XKR7: variants seen among roughly 807,000 people sequenced by gnomAD.
XKR7 encodes XK related 7.
In XKR7, 11 loss-of-function variants were observed where a neutral mutation model predicts 42.2. That is an observed-to-expected ratio of 0.26 (90% CI 0.16 to 0.43). XKR7 has a LOEUF of 0.43. Ranked by LOEUF, XKR7 falls within the 20% of genes least tolerant of loss-of-function variation. The probability of loss-of-function intolerance (pLI) is 1.00; values close to 1 mark genes in which losing one functional copy is unlikely to be tolerated. For missense variants in XKR7, 710 were observed against 802.2 expected (o/e 0.89, Z 1.39); for synonymous variants, 346 against 366.4 (o/e 0.94, Z 0.64).
chr20:31,968,370 C>T lies in XKR7; in HGVS notation c.195C>T (p.Leu65=). Reference sequence around the variant, plus strand: ...GCTGCTGGGTGCTGTGCGCGCTGCTCGTGTTCTTCTCCGACGGTGCCACGG... The same window carrying T: ...GCTGCTGGGTGCTGTGCGCGCTGCTTGTGTTCTTCTCCGACGGTGCCACGG... ...RDCCWVLCAL[L]VFFSDGATDL... is the part of the protein sequence containing the mutation. Residue 65 remains leucine, a synonymous_variant, in exon 1 of 3, where the codon CTC becomes CTT. Coordinates refer to ENST00000562532, the MANE Select transcript of XKR7 (RefSeq NM_001011718.2). This position sits in a 1 kb window ranked among gnomAD's most constrained non-coding sequence, Gnocchi z 4.5. 1 of 1,611,838 alleles carries T rather than the reference C, an allele frequency of 6.2e-7. No individual in the cohort carries two copies. Among genetic ancestry groups the T allele is most frequent in the Non-Finnish European group, 8.5e-7 (1 of 1,179,558 alleles).
At chr20:31,975,466 C>T (rs963765916) in intron 1 of XKR7, among the ~76,000 whole-genome samples, 3 of 152,160 alleles carry the variant, frequency 2.0e-5, no homozygotes, top group Non-Finnish European at 4.4e-5. Context: ...AAATTCTGCA[C>T]GTCCTTCCAG....
intron 2 of XKR7, 83 bp from the exon 3 acceptor site, chr20:31,996,422 C>T (rs1277889605): frequency 1.3e-5 from 14 of 1,060,602 alleles, no homozygotes; most frequent in Admixed American, 3.3e-5. Flanking sequence ...CAGCTCCTGA[C>T]CCAGAACCCT....
At chr20:31,982,960 C>T (rs576113182) in intron 1 of XKR7, among the ~76,000 whole-genome samples, 64 of 152,340 alleles carry the variant, frequency 4.2e-4, no homozygotes, top group African/African-American at 1.5e-3. Flanking sequence ...TTCACAGCCA[C>T]CCTGTAAATG....
chr20:31,970,244 T>A (rs2064458564), intron 1 of XKR7: 1 of 152,260 alleles, frequency 6.6e-6, no homozygotes, highest in Admixed American at 6.5e-5. Flanking sequence ...AATGGTAACT[T>A]CCTATTCTTG....
At chr20:31,990,108 C>T (rs1226703696) in intron 1 of XKR7, among the ~76,000 whole-genome samples, 1 of 152,108 alleles carries the variant, frequency 6.6e-6, no homozygotes, top group Non-Finnish European at 1.5e-5. Context: ...GAGCCAGCGG[C>T]CCCTGCCCAG....
chr20:31,997,624 G>A lies in XKR7; in HGVS notation c.*167G>A. On this transcript the variant is annotated 3_prime_UTR_variant, in exon 3 of 3. Transcript: ENST00000562532. ...TTTCAGGGGAGGGGGCAGCCTTGCG[G>A]AGGCCCCAGCCCTGGGCCCCGTTTT... 5.9e-6 allele frequency: 4 copies of A among 675,318 alleles called. No homozygotes were observed. The highest frequency in any genetic ancestry group is 9.8e-6 in the Non-Finnish European group (4 of 409,530). The allele number at this position is 675,318 out of a possible 1,614,324, so 41.8% of individuals were successfully genotyped here. A position where few individuals can be genotyped will look rare whatever the true frequency, so the allele number is the denominator to read the frequency against.
Position 32,000,602 on chromosome 20 carries a change from GGAACA to G in XKR7, c.*3149_*3153del, listed in dbSNP as rs766337688. ...AGTTGGGTGTGTCTTAATTTTGCCA[GGAACA>G]GAAGAGAACAGGATGCTTTGGGTAC... On this transcript the variant is annotated 3_prime_UTR_variant, in exon 3 of 3. Transcript: ENST00000562532. 2.6e-5 allele frequency: 4 copies of G among 152,308 alleles called. No individual in the cohort carries two copies. Among genetic ancestry groups the G allele is most frequent in the Non-Finnish European group, 5.9e-5 (4 of 68,126 alleles). 9.4% of individuals were successfully genotyped at this position (152,308 alleles called of 1,614,324 possible).
intron 1 of XKR7, among the ~76,000 whole-genome samples, chr20:31,977,600 T>C (rs2064491274): frequency 6.6e-6 from 1 of 152,172 alleles, no homozygotes; most frequent in African/African-American, 2.4e-5. Context: ...CTACAATGAC[T>C]ATTATTATTG....
intron 1 of XKR7, among the ~76,000 whole-genome samples, chr20:31,976,331 C>A (rs2064484619): frequency 6.6e-6 from 1 of 152,142 alleles, no homozygotes; most frequent in African/African-American, 2.4e-5. Flanking sequence ...TACAAACAAT[C>A]AATCATGTAT....
intron 1 of XKR7, among the ~76,000 whole-genome samples, chr20:31,975,630 C>T (rs962120714): frequency 7.5e-6 from 1 of 132,596 alleles, no homozygotes; most frequent in African/African-American, 2.8e-5. Context: ...GTCTGTTGAT[C>T]AAAAAGCTAT....
chr20:31,969,445 C>T (rs1367263605), intron 1 of XKR7, among the ~76,000 whole-genome samples: 10 of 152,298 alleles, frequency 6.6e-5, no homozygotes, highest in Non-Finnish European at 1.3e-4. Flanking sequence ...CCTTTAATCC[C>T]GAACTGGTAA....
chr20:31,995,080 C>T lies in XKR7; in HGVS notation c.597C>T (p.Ala199=), dbSNP rs1340863656. The T allele has an allele frequency of 6.5e-7, 1 of 1,548,134 alleles. No individual in the cohort carries two copies. The highest frequency in any genetic ancestry group is 2.0e-5 in the Admixed American group (1 of 50,984). ...GTCCTTCCCGCAGGTACCTGCGCGC[C>T]CTGTACCTGGGGCTGCAGAGCCGCT... ...QLGQVWRYLR[A]LYLGLQSRWR... The change falls in exon 2 of 3, where the codon GCC becomes GCT. Residue 199 remains alanine, a synonymous_variant. Coordinates refer to ENST00000562532, the MANE Select transcript of XKR7 (RefSeq NM_001011718.2). This position sits in a 1 kb window ranked among gnomAD's most constrained non-coding sequence, Gnocchi z 4.1.
chr20:31,992,182 T>C (rs895148969), intron 1 of XKR7, among the ~76,000 whole-genome samples: 4 of 152,188 alleles, frequency 2.6e-5, no homozygotes, highest in African/African-American at 9.7e-5. Flanking sequence ...TGTTTCTTCC[T>C]TCCAAGGCAT....
chr20:31,968,286 C>T lies in XKR7; in HGVS notation c.111C>T (p.Ala37=). ...AGGRGEAAAA[A]GPPGVVGAGG... is the part of the protein sequence containing the mutation. The stretch of plus-strand genomic sequence containing the variant: ...GGCGCGGGGAGGCGGCGGCGGCGGC[C>T]GGGCCCCCGGGGGTCGTCGGGGCGG... The change falls in exon 1 of 3, where the codon GCC becomes GCT. Residue 37 remains alanine, a synonymous_variant. Transcript: ENST00000562532. The surrounding 1 kb of genome is among the most constrained non-coding windows in gnomAD (Gnocchi z 4.5). 8.3e-7 allele frequency: 1 copy of T among 1,197,728 alleles called. No individual in the cohort carries two copies. Among genetic ancestry groups the T allele is most frequent in the Non-Finnish European group, 1.0e-6 (1 of 966,690 alleles). The allele number at this position is 1,197,728 out of a possible 1,614,324, so 74.2% of individuals were successfully genotyped here.
chr20:31,991,815 C>T (rs1568889891), intron 1 of XKR7, among the ~76,000 whole-genome samples: 1 of 152,174 alleles, frequency 6.6e-6, no homozygotes, highest in Admixed American at 6.5e-5. Context: ...GATGCCAACC[C>T]ATGCTTTAAA....
At chr20:31,976,282 C>G (rs2064484328) in intron 1 of XKR7, among the ~76,000 whole-genome samples, 1 of 152,222 alleles carries the variant, frequency 6.6e-6, no homozygotes, top group South Asian at 2.1e-4. Context: ...CATGTGGAAC[C>G]ACCAAACTAT....
rs1203855938 is a variant in XKR7, at chr20:32,001,653, C to G, written c.*4196C>G. The G allele has an allele frequency of 6.6e-6, 1 of 152,214 alleles. No homozygotes were observed. Among genetic ancestry groups the G allele is most frequent in the Non-Finnish European group, 1.5e-5 (1 of 68,060 alleles). The allele number at this position is 152,214 out of a possible 1,614,324, so 9.4% of individuals were successfully genotyped here. On this transcript the variant is annotated 3_prime_UTR_variant, in exon 3 of 3. Coordinates refer to ENST00000562532, the MANE Select transcript of XKR7 (RefSeq NM_001011718.2). ...AGGGCTACAGGCCCCTCCAGTGCCT[C>G]ATGGGGTTAGAGGCTGCTGGAGTCT...
chr20:31,986,746 A>T (rs1393428034), intron 1 of XKR7, among the ~76,000 whole-genome samples: 1 of 148,816 alleles, frequency 6.7e-6, no homozygotes, highest in Non-Finnish European at 1.5e-5. Context: ...AGCATCCAAG[A>T]CACAGACAGA....
chr20:31,969,926 T>A (rs2064456724), intron 1 of XKR7, among the ~76,000 whole-genome samples: 1 of 152,224 alleles, frequency 6.6e-6, no homozygotes, highest in Admixed American at 6.5e-5. Context: ...CTCAGAAGAT[T>A]CAGTTTGGGG....
Sources: allele counts gnomAD v4.1 joint callset (sites outside exome capture counted in the v4.1 genomes callset), GRCh38; gene constraint gnomAD v4.1.1; non-coding constraint Gnocchi (gnomAD v3.1); transcripts MANE v1.5; gene names NCBI Gene and HGNC (gene_info 2026-07-23, HGNC 2026-07-21).